The following DLGAP2 variants were observed in gnomAD, a reference collection of about 807,000 sequenced individuals.
DLGAP2 encodes the protein DLG associated protein 2.
In DLGAP2, 26 loss-of-function variants were observed where a neutral mutation model predicts 100.3. The ratio of observed to expected loss-of-function variants is 0.26; its 90% CI spans 0.19 to 0.36. DLGAP2 has a LOEUF of 0.36. DLGAP2 is among the 10% of genes least tolerant of loss of function. The pLI is 1.00. For synonymous variants in DLGAP2, 886 were observed against 630.1 expected, an observed-to-expected ratio of 1.41 and a Z score of -6.08; for missense variants, 1,858 against 1,453.2, an observed-to-expected ratio of 1.28 and a Z score of -4.53.
intron 3 of DLGAP2, among the ~76,000 whole-genome samples, chr8:1,475,610 G>A (rs563224209): frequency 2.2e-4 from 33 of 152,242 alleles, no homozygotes; most frequent in African/African-American, 7.5e-4. Flanking sequence ...CTACAAAGTC[G>A]TTGACCCCCA....
chr8:905,706 G>C (rs925759147), intron 1 of DLGAP2, among the ~76,000 whole-genome samples: 2 of 152,080 alleles, frequency 1.3e-5, no homozygotes, highest in Non-Finnish European at 2.9e-5. Flanking sequence ...GGGTGGTCAC[G>C]GGAGCTGCGG....
intron 1 of DLGAP2, among the ~76,000 whole-genome samples, chr8:837,815 C>G (rs932621503): frequency 9.3e-5 from 14 of 150,444 alleles, no homozygotes; most frequent in Non-Finnish European, 1.8e-4. Flanking sequence ...CTCCCGGGTT[C>G]AAGCAATTCT....
chr8:1,385,927 A>G (rs886611191), intron 3 of DLGAP2, among the ~76,000 whole-genome samples: 1 of 152,264 alleles, frequency 6.6e-6, no homozygotes, highest in Admixed American at 6.5e-5. Flanking sequence ...TCCGGGAGCC[A>G]CGACAACCTA....
At chr8:1,231,428 G>C (rs1253507439) in intron 2 of DLGAP2, among the ~76,000 whole-genome samples, 2 of 152,150 alleles carry the variant, frequency 1.3e-5, no homozygotes, top group African/African-American at 4.8e-5. Context: ...AAGCAGTTTG[G>C]AGATTTCTCA....
chr8:1,272,306 G>A (rs888933073), intron 3 of DLGAP2, among the ~76,000 whole-genome samples: 1 of 152,128 alleles, frequency 6.6e-6, no homozygotes, highest in Non-Finnish European at 1.5e-5. Flanking sequence ...ACAATGCATA[G>A]CGGGTCCAGA....
intron 2 of DLGAP2, among the ~76,000 whole-genome samples, chr8:956,495 G>C (rs1212088188): frequency 6.6e-6 from 1 of 152,186 alleles, no homozygotes; most frequent in Non-Finnish European, 1.5e-5. Flanking sequence ...CCACCCGCTG[G>C]TTCCTGGCAT....
At chr8:971,535 T>C (rs1369567904) in intron 2 of DLGAP2, among the ~76,000 whole-genome samples, 1 of 152,130 alleles carries the variant, frequency 6.6e-6, no homozygotes, top group African/African-American at 2.4e-5. Flanking sequence ...GAAACCACAT[T>C]GTCAAAGTGC....
intron 6 of DLGAP2, among the ~76,000 whole-genome samples, chr8:1,614,945 C>T (rs1220183312): frequency 1.3e-5 from 2 of 152,226 alleles, no homozygotes; most frequent in Non-Finnish European, 1.5e-5. Context: ...GGAAAGGCGC[C>T]GCGCTCACTC....
chr8:1,458,266 C>T (rs1563161562), intron 3 of DLGAP2, among the ~76,000 whole-genome samples: 1 of 151,856 alleles, frequency 6.6e-6, no homozygotes, highest in African/African-American at 2.4e-5. Flanking sequence ...TTTGGAAACA[C>T]AAAATTTTTG....
At chr8:975,304 A>G (rs1027267243) in intron 2 of DLGAP2, among the ~76,000 whole-genome samples, 2 of 152,224 alleles carry the variant, frequency 1.3e-5, no homozygotes, top group Non-Finnish European at 2.9e-5. Context: ...GGTGAATTCT[A>G]TCAAATATTT....
intron 3 of DLGAP2, among the ~76,000 whole-genome samples, chr8:1,496,887 T>C (rs1175834719): frequency 6.6e-6 from 1 of 152,132 alleles, no homozygotes; most frequent in East Asian, 1.9e-4. Flanking sequence ...GGGCACAGAA[T>C]AGCCAGACGA....
intron 6 of DLGAP2, among the ~76,000 whole-genome samples, chr8:1,585,755 A>G (rs1351058471): frequency 6.6e-6 from 1 of 151,986 alleles, no homozygotes; most frequent in Non-Finnish European, 1.5e-5. Context: ...CTCTCCATAC[A>G]CTCGCAGTCC....
chr8:743,576 C>T (rs1056653725), intron 1 of DLGAP2, among the ~76,000 whole-genome samples: 4 of 152,160 alleles, frequency 2.6e-5, no homozygotes, highest in African/African-American at 9.7e-5. Flanking sequence ...TATTTACTTA[C>T]TTATTTAGAG....
chr8:1,287,421 G>T (rs1459562635), intron 3 of DLGAP2, among the ~76,000 whole-genome samples: 1 of 140,390 alleles, frequency 7.1e-6, no homozygotes, highest in Non-Finnish European at 1.5e-5. Context: ...TTTTGGTTCA[G>T]CGTGTGTGTG....
At chr8:784,590 T>C (rs887996869) in intron 1 of DLGAP2, among the ~76,000 whole-genome samples, 1 of 152,252 alleles carries the variant, frequency 6.6e-6, no homozygotes, top group Non-Finnish European at 1.5e-5. Flanking sequence ...ACAGTTGATA[T>C]GTTTAAAAGG....
At chr8:1,684,921 C>G (rs562821117) in intron 12 of DLGAP2, among the ~76,000 whole-genome samples, 9 of 152,230 alleles carry the variant, frequency 5.9e-5, no homozygotes, top group Admixed American at 2.0e-4. Flanking sequence ...TCGGAAACTT[C>G]CTTGCCCCAA....
chr8:1,260,376 C>G (rs1364850215), intron 3 of DLGAP2, among the ~76,000 whole-genome samples: 1 of 151,958 alleles, frequency 6.6e-6, no homozygotes, highest in Non-Finnish European at 1.5e-5. Flanking sequence ...GTGGTTTAAA[C>G]ACATTGCATC....
chr8:1,254,551 TTTTG>T (rs1212563414), intron 2 of DLGAP2, among the ~76,000 whole-genome samples: 2 of 152,108 alleles, frequency 1.3e-5, no homozygotes, highest in African/African-American at 4.8e-5. Flanking sequence ...AGCACTGACT[TTTTG>T]TTTGGGGAAA....
At chr8:1,440,329 G>C (rs61050555) in intron 3 of DLGAP2, among the ~76,000 whole-genome samples, 1,912 of 152,298 alleles carry the variant, frequency 0.013, 41 homozygotes, top group African/African-American at 0.042. Flanking sequence ...GGACTCACGT[G>C]GGAAATGGAG....
Sources: gnomAD v4.1 joint callset for allele counts (sites outside exome capture counted in the v4.1 genomes callset) on GRCh38, gnomAD v4.1.1 for gene constraint, MANE v1.5 for transcripts, NCBI Gene and HGNC (gene_info 2026-07-23, HGNC 2026-07-21) for gene names.